DOCK1: variants seen among roughly 807,000 people sequenced by gnomAD.
The protein encoded by DOCK1 is dedicator of cytokinesis protein 1.
Under a neutral mutation model 262.7 loss-of-function variants are expected in DOCK1, and 138 were observed. The ratio of observed to expected loss-of-function variants is 0.53; its 90% CI spans 0.46 to 0.61. The LOEUF is 0.61. DOCK1 is among the 20% of genes least tolerant of loss of function. DOCK1 has a pLI of 0.00. For synonymous variants in DOCK1, 866 were observed against 867.4 expected, an observed-to-expected ratio of 1.00 and a Z score of 0.03; for missense variants, 1,908 against 2,370.7, an observed-to-expected ratio of 0.80 and a Z score of 4.05.
At chr10:126,937,540 A>G (rs2034637203) in intron 1 of DOCK1, among the ~76,000 whole-genome samples, 1 of 148,140 alleles carries the variant, frequency 6.8e-6, no homozygotes, top group African/African-American at 2.5e-5. Flanking sequence ...CTTTTTAATC[A>G]TAGCCATTCT....
chr10:127,390,849 T>A (rs1436039626), intron 38 of DOCK1, among the ~76,000 whole-genome samples: 1 of 152,256 alleles, frequency 6.6e-6, no homozygotes, highest in Non-Finnish European at 1.5e-5. Flanking sequence ...CAATTAATTT[T>A]ACTCTTTAAA....
intron 24 of DOCK1, among the ~76,000 whole-genome samples, chr10:127,109,611 A>G (rs2048744747): frequency 6.6e-6 from 1 of 152,116 alleles, no homozygotes. Flanking sequence ...TGGGCATTTT[A>G]CAGAGCTGGA....
At chr10:127,398,854 C>T (rs1052635359) in intron 38 of DOCK1, among the ~76,000 whole-genome samples, 2 of 152,156 alleles carry the variant, frequency 1.3e-5, no homozygotes, top group Admixed American at 6.5e-5. Context: ...CTGTGACATC[C>T]GTGTTGTCAT....
intron 27 of DOCK1, among the ~76,000 whole-genome samples, chr10:127,141,402 G>A (rs193033071): frequency 8.5e-5 from 13 of 152,260 alleles, no homozygotes; most frequent in African/African-American, 2.6e-4. Flanking sequence ...TGAGAACAGA[G>A]TCTTAAAAGG....
intron 1 of DOCK1, among the ~76,000 whole-genome samples, chr10:126,914,511 T>A (rs764367347): frequency 2.6e-5 from 4 of 152,118 alleles, no homozygotes; most frequent in Non-Finnish European, 5.9e-5. Context: ...CAAGTGATCC[T>A]CCAACCCTGG....
intron 27 of DOCK1, among the ~76,000 whole-genome samples, chr10:127,217,852 G>GT (rs1279609510): frequency 6.6e-6 from 1 of 152,146 alleles, no homozygotes; most frequent in Non-Finnish European, 1.5e-5. Context: ...TCCAACTCAA[G>GT]TTAATTTTTT....
chr10:127,105,925 T>C (rs2048502313), intron 23 of DOCK1, among the ~76,000 whole-genome samples: 1 of 151,996 alleles, frequency 6.6e-6, no homozygotes, highest in African/African-American at 2.4e-5. Flanking sequence ...AATGCCTGGC[T>C]AATTTTTTTT....
chr10:126,988,046 C>T, intron 5 of DOCK1: 1 of 121,158 alleles, frequency 8.3e-6, no homozygotes. Flanking sequence ...TAGGTAATAC[C>T]TCTTATCATT....
At chr10:127,173,852 T>G (rs1039783096) in intron 27 of DOCK1, among the ~76,000 whole-genome samples, 1 of 152,210 alleles carries the variant, frequency 6.6e-6, no homozygotes, top group Admixed American at 6.5e-5. Context: ...TTATATGGTG[T>G]TAGATTACCT....
intron 42 of DOCK1, among the ~76,000 whole-genome samples, chr10:127,410,121 GTGGT>G (rs1412130284): frequency 6.6e-6 from 1 of 152,134 alleles, no homozygotes; most frequent in Non-Finnish European, 1.5e-5. Context: ...CTGAAGTTTG[GTGGT>G]TTCTTTAACC....
intron 27 of DOCK1, among the ~76,000 whole-genome samples, chr10:127,247,117 C>T (rs574056835): frequency 6.6e-6 from 1 of 152,244 alleles, no homozygotes; most frequent in Non-Finnish European, 1.5e-5. Context: ...AAACACCCTT[C>T]AGGGCACGCA....
At chr10:127,180,087 C>G (rs1398743389) in intron 27 of DOCK1, among the ~76,000 whole-genome samples, 1 of 152,200 alleles carries the variant, frequency 6.6e-6, no homozygotes, top group Non-Finnish European at 1.5e-5. Context: ...CCCACTACCC[C>G]TGCTCAAGGA....
At chr10:126,928,120 T>C (rs935421304) in intron 1 of DOCK1, among the ~76,000 whole-genome samples, 3 of 152,068 alleles carry the variant, frequency 2.0e-5, no homozygotes, top group Admixed American at 6.5e-5. Flanking sequence ...TTGGAGAAGC[T>C]GAAAAAATGA....
chr10:127,298,366 T>C (rs371347673), intron 29 of DOCK1, among the ~76,000 whole-genome samples: 2 of 152,238 alleles, frequency 1.3e-5, no homozygotes, highest in East Asian at 3.9e-4. Context: ...AGCAGAGGGC[T>C]GAATTTATTT....
At chr10:127,349,538 A>C (rs1057166428) in intron 31 of DOCK1, among the ~76,000 whole-genome samples, 1 of 151,924 alleles carries the variant, frequency 6.6e-6, no homozygotes, top group African/African-American at 2.4e-5. Flanking sequence ...CATTTTTCAA[A>C]CTGCAGGTCT....
chr10:127,107,628 A>T (rs2048610110), intron 24 of DOCK1, among the ~76,000 whole-genome samples: 2 of 152,190 alleles, frequency 1.3e-5, no homozygotes, highest in South Asian at 4.1e-4. Flanking sequence ...CAGCTCCGGT[A>T]GCCCTTGGGA....
chr10:127,000,063 A>G, intron 9 of DOCK1, 109 bp from the exon 10 acceptor site: 1 of 1,248,398 alleles, frequency 8.0e-7, no homozygotes, highest in Non-Finnish European at 1.1e-6. Context: ...TTAAAATGAT[A>G]AAAACTGGTC....
chr10:127,158,173 A>G (rs1048616794), intron 27 of DOCK1, among the ~76,000 whole-genome samples: 1 of 152,240 alleles, frequency 6.6e-6, no homozygotes, highest in African/African-American at 2.4e-5. Flanking sequence ...CAGGGAACAC[A>G]GAGTGCTGTT....
intron 36 of DOCK1, 80 bp from the exon 37 acceptor site, chr10:127,381,198 C>T: frequency 8.2e-7 from 1 of 1,219,210 alleles, no homozygotes; most frequent in Non-Finnish European, 1.2e-6. Flanking sequence ...TACTGTTGAA[C>T]ATAGAATTTA....
Sources: gnomAD v4.1 joint callset for allele counts (sites outside exome capture counted in the v4.1 genomes callset) on GRCh38, gnomAD v4.1.1 for gene constraint, MANE v1.5 for transcripts, NCBI Gene and HGNC (gene_info 2026-07-23, HGNC 2026-07-21) for gene names.